ZZZ3: variants seen among roughly 807,000 people sequenced by gnomAD.
ZZZ3 encodes the protein ZZ-type zinc finger-containing protein 3.
A neutral mutation model predicts 95.2 loss-of-function variants in ZZZ3; 22 were observed. The ratio of observed to expected loss-of-function variants is 0.23; its 90% CI spans 0.17 to 0.33. The LOEUF (loss-of-function observed/expected upper bound fraction) is 0.33, where lower values mean the gene tolerates loss of function less well. Among genes scored for constraint, ZZZ3 ranks in the 10% least tolerant of loss-of-function variants. The pLI is 1.00. For synonymous variants in ZZZ3, 335 were observed against 358.9 expected (o/e 0.93, Z 0.75); for missense variants, 885 against 1,066.5 (o/e 0.83, Z 2.37).
chr1:77,678,373 G>A (rs1247395419), intron 1 of ZZZ3, among the ~76,000 whole-genome samples: 2 of 151,202 alleles, frequency 1.3e-5, no homozygotes, highest in Non-Finnish European at 3.0e-5. Context: ...CTGATAAGGA[G>A]AGATCTACAC....
intron 1 of ZZZ3, among the ~76,000 whole-genome samples, chr1:77,650,512 A>G (rs902636482): frequency 1.4e-4 from 22 of 152,294 alleles, no homozygotes; most frequent in African/African-American, 2.4e-5. Context: ...TAAATGACCC[A>G]TAAGTCAAAG....
intron 1 of ZZZ3, among the ~76,000 whole-genome samples, chr1:77,670,007 C>T (rs1033009283): frequency 6.7e-6 from 1 of 149,990 alleles, no homozygotes; most frequent in African/African-American, 2.5e-5. Flanking sequence ...GAATTGTGCA[C>T]TTAAAAAGAA....
chr1:77,575,413 C>A (rs962795927), intron 12 of ZZZ3, among the ~76,000 whole-genome samples: 5 of 152,178 alleles, frequency 3.3e-5, no homozygotes, highest in African/African-American at 1.2e-4. Flanking sequence ...GACAACCAGG[C>A]TGATGAAAGT....
intron 5 of ZZZ3, among the ~76,000 whole-genome samples, chr1:77,615,227 AT>A (rs1666195790): frequency 6.6e-6 from 1 of 152,260 alleles, no homozygotes; most frequent in South Asian, 2.1e-4. Flanking sequence ...CAGATGCAGA[AT>A]TACAAAATAT....
At chr1:77,612,172 A>G (rs1202948285) in intron 5 of ZZZ3, among the ~76,000 whole-genome samples, 1 of 152,066 alleles carries the variant, frequency 6.6e-6, no homozygotes, top group African/African-American at 2.4e-5. Flanking sequence ...AAAAATGGTC[A>G]ATGGGTATAT....
In ZZZ3 at chr1:77,568,471, CAAAAAAAAAAA is replaced by C. The variant is rs10581619; in HGVS notation, c.2332-16_2332-6del. On this transcript the variant is annotated splice_region_variant and splice_polypyrimidine_tract_variant and intron_variant, in intron 12 of 14. Coordinates refer to ENST00000370801, the MANE Select transcript of ZZZ3 (RefSeq NM_015534.6). ...GATAGGAATACTTTCGTCATCCTAT[CAAAAAAAAAAA>C]AAAAAAAAAATGTTGGTTTGGTAAT... The C allele has an allele frequency of 4.9e-5, 29 of 593,462 alleles. No individual in the cohort carries two copies. Among genetic ancestry groups the C allele is most frequent in the Non-Finnish European group, 6.0e-5 (26 of 434,116 alleles). The allele number at this position is 593,462 out of a possible 1,614,324, so 36.8% of individuals were successfully genotyped here.
intron 5 of ZZZ3, among the ~76,000 whole-genome samples, chr1:77,629,348 T>C (rs1667589129): frequency 6.6e-6 from 1 of 152,112 alleles, no homozygotes; most frequent in South Asian, 2.1e-4. Context: ...CCAGGTTAGG[T>C]GGTTCATGCC....
intron 12 of ZZZ3, among the ~76,000 whole-genome samples, chr1:77,575,175 C>T (rs1422341994): frequency 6.6e-6 from 1 of 151,998 alleles, no homozygotes; most frequent in East Asian, 1.9e-4. Context: ...CAGAGCGAGA[C>T]TCTGCCTAAA....
chr1:77,587,822 C>T (rs766065905), intron 5 of ZZZ3, among the ~76,000 whole-genome samples: 20 of 152,178 alleles, frequency 1.3e-4, no homozygotes, highest in Non-Finnish European at 1.9e-4. Context: ...AATACCAACC[C>T]CACCTCTTCC....
chr1:77,605,600 A>G (rs1247985323), intron 5 of ZZZ3, among the ~76,000 whole-genome samples: 2 of 152,066 alleles, frequency 1.3e-5, no homozygotes, highest in Non-Finnish European at 2.9e-5. Flanking sequence ...TGAGGAAAGG[A>G]GAGAAGAGTA....
At chr1:77,616,501 T>C (rs1255399639) in intron 5 of ZZZ3, among the ~76,000 whole-genome samples, 2 of 152,210 alleles carry the variant, frequency 1.3e-5, no homozygotes, top group South Asian at 2.1e-4. Context: ...TATTGAGCAA[T>C]AGGTGGCTTT....
intron 1 of ZZZ3, among the ~76,000 whole-genome samples, chr1:77,641,864 C>T (rs546266130): frequency 6.6e-6 from 1 of 152,274 alleles, no homozygotes; most frequent in South Asian, 2.1e-4. Flanking sequence ...TCAGGGAGTA[C>T]CCACATACAA....
At chr1:77,635,761 T>G (rs1668237331) in intron 4 of ZZZ3, among the ~76,000 whole-genome samples, 1 of 151,708 alleles carries the variant, frequency 6.6e-6, no homozygotes, top group South Asian at 2.1e-4. Flanking sequence ...CAAAAACTAG[T>G]AGGGCATGGT....
At chr1:77,675,283 C>T (rs190044592) in intron 1 of ZZZ3, among the ~76,000 whole-genome samples, 8 of 152,072 alleles carry the variant, frequency 5.3e-5, no homozygotes, top group Non-Finnish European at 8.8e-5. Flanking sequence ...TGCTTTCCAA[C>T]GGGAAAGTGT....
chr1:77,585,792 A>G (rs1663028228), intron 5 of ZZZ3, among the ~76,000 whole-genome samples: 1 of 152,234 alleles, frequency 6.6e-6, no homozygotes, highest in Non-Finnish European at 1.5e-5. Flanking sequence ...AGAAGTATCA[A>G]AGGTGAAATA....
At chr1:77,650,455 AT>A (rs1197487844) in intron 1 of ZZZ3, among the ~76,000 whole-genome samples, 1 of 152,188 alleles carries the variant, frequency 6.6e-6, no homozygotes, top group Non-Finnish European at 1.5e-5. Flanking sequence ...GTGATAAAAA[AT>A]ACAACTCGAA....
chr1:77,605,008 C>A (rs1180326247), intron 5 of ZZZ3, among the ~76,000 whole-genome samples: 1 of 152,072 alleles, frequency 6.6e-6, no homozygotes. Flanking sequence ...CACCGATGGT[C>A]CCCCCAAAAA....
At chr1:77,576,760 AAAAAAAAACAAAAAAACAAC>A (rs1192632070) in intron 11 of ZZZ3, among the ~76,000 whole-genome samples, 2 of 93,296 alleles carry the variant, frequency 2.1e-5, no homozygotes, top group Non-Finnish European at 6.0e-5. Context: ...CTCACACTAA[AAAAAAAAACAAAAAAACAAC>A]AAAAAAAAAA....
intron 13 of ZZZ3, 49 bp from the exon 14 acceptor site, chr1:77,566,230 T>G: frequency 4.4e-6 from 6 of 1,353,936 alleles, no homozygotes; most frequent in South Asian, 1.3e-5. Context: ...TGTTCCACGA[T>G]CTTTTTTATT....
Sources: gnomAD v4.1 joint callset for allele counts (sites outside exome capture counted in the v4.1 genomes callset) on GRCh38, gnomAD v4.1.1 for gene constraint, MANE v1.5 for transcripts, NCBI Gene and HGNC (gene_info 2026-07-23, HGNC 2026-07-21) for gene names.